The following EVC variants were observed in gnomAD, a reference collection of about 807,000 sequenced individuals.
EVC encodes the protein EvC ciliary complex subunit 1.
Under a neutral mutation model 118.9 loss-of-function variants are expected in EVC, and 116 were observed. The ratio of observed to expected loss-of-function variants is 0.98; its 90% CI spans 0.84 to 1.14. The LOEUF (loss-of-function observed/expected upper bound fraction) is 1.14, where lower values mean the gene tolerates loss of function less well. Ranked by LOEUF, EVC falls within the 50% of genes most tolerant of loss-of-function variation. EVC has a pLI of 0.00. For missense variants in EVC, 1,401 were observed against 1,246.4 expected (o/e 1.12, Z -1.87); for synonymous variants, 619 against 534.7 (o/e 1.16, Z -2.18).
downstream of EVC, among the ~76,000 whole-genome samples, chr4:5,816,064 C>T (rs924176236): frequency 6.6e-6 from 1 of 152,074 alleles, no homozygotes; most frequent in Non-Finnish European, 1.5e-5. Context: ...TACCCAGGGG[C>T]TCATTAAAAA....
the EVC span, chr4:5,826,952 G>A: frequency 8.5e-5 from 13 of 152,664 alleles, no homozygotes; most frequent in African/African-American, 3.1e-4. Context: ...CGACTCCCTG[G>A]GCCTCACTGT....
chr4:5,713,245 G>A (rs1248947776), intron 1 of EVC, among the ~76,000 whole-genome samples: 2 of 152,222 alleles, frequency 1.3e-5, no homozygotes, highest in Non-Finnish European at 2.9e-5. Flanking sequence ...ACAGTTTGAT[G>A]TGATCCTTGC....
downstream of EVC, among the ~76,000 whole-genome samples, chr4:5,818,117 G>T (rs1238690135): frequency 6.6e-6 from 1 of 152,156 alleles, no homozygotes; most frequent in Non-Finnish European, 1.5e-5. Context: ...TACTGTTCTT[G>T]TGGTAGTGAA....
At chr4:5,781,962 G>A (rs1735662603) in intron 11 of EVC, among the ~76,000 whole-genome samples, 1 of 152,238 alleles carries the variant, frequency 6.6e-6, no homozygotes, top group Admixed American at 6.5e-5. Flanking sequence ...AAACTGGAGA[G>A]AGGGTCACTG....
the EVC span, chr4:5,824,814 A>C: frequency 1.0e-6 from 1 of 985,420 alleles, no homozygotes; most frequent in Non-Finnish European, 1.2e-6. Flanking sequence ...ACAAAATTCC[A>C]GTTCAACTTT....
intron 5 of EVC, among the ~76,000 whole-genome samples, chr4:5,734,648 T>A (rs1358583402): frequency 6.6e-6 from 1 of 152,096 alleles, no homozygotes; most frequent in African/African-American, 2.4e-5. Context: ...CACAGCGACA[T>A]CCTGTCTCAA....
At chr4:5,744,679 C>A (rs1729087157) in intron 6 of EVC, among the ~76,000 whole-genome samples, 1 of 152,218 alleles carries the variant, frequency 6.6e-6, no homozygotes, top group Non-Finnish European at 1.5e-5. Context: ...CTTCCCCACA[C>A]AGAAACAGGG....
chr4:5,814,310 C>T (rs1177945896), downstream of EVC: 1 of 152,154 alleles, frequency 6.6e-6, no homozygotes, highest in Non-Finnish European at 1.5e-5. Flanking sequence ...AAAATAGCAC[C>T]CTCTGACCTG....
intron 11 of EVC, among the ~76,000 whole-genome samples, chr4:5,781,486 C>T (rs1028026805): frequency 6.6e-6 from 1 of 151,870 alleles, no homozygotes; most frequent in African/African-American, 2.4e-5. Flanking sequence ...TTTTTCAGGG[C>T]GAGGAGTCCA....
chr4:5,808,371 G>A, intron 18 of EVC, 44 bp downstream of exon 18: 1 of 1,613,862 alleles, frequency 6.2e-7, no homozygotes, highest in Non-Finnish European at 8.5e-7. Flanking sequence ...GTGGTTTAAA[G>A]AGGAGCAGAA....
the EVC span, chr4:5,825,951 T>C: frequency 2.5e-4 from 114 of 448,462 alleles, no homozygotes; most frequent in South Asian, 2.8e-3. This position sits in a 1 kb window ranked among gnomAD's most constrained non-coding sequence, Gnocchi z 4.4. Flanking sequence ...TGCACACATA[T>C]ATGCATGCAC....
intron 13 of EVC, among the ~76,000 whole-genome samples, chr4:5,794,772 C>T (rs929786592): frequency 2.0e-5 from 3 of 152,020 alleles, no homozygotes; most frequent in Non-Finnish European, 4.4e-5. Context: ...ATTTTAGATT[C>T]AGAGGGCACA....
chr4:5,807,767 G>A (rs1338738464), intron 17 of EVC, among the ~76,000 whole-genome samples: 4 of 152,288 alleles, frequency 2.6e-5, no homozygotes, highest in East Asian at 1.9e-4. Context: ...ATGGGTAGCC[G>A]GTAGGCCTCT....
intron 7 of EVC, among the ~76,000 whole-genome samples, chr4:5,745,999 A>G (rs1729308331): frequency 6.6e-6 from 1 of 152,196 alleles, no homozygotes; most frequent in African/African-American, 2.4e-5. Flanking sequence ...CCCCAGGCTT[A>G]GGAAAGCCTC....
At chr4:5,713,254 G>T (rs1264989146) in intron 1 of EVC, among the ~76,000 whole-genome samples, 1 of 152,172 alleles carries the variant, frequency 6.6e-6, no homozygotes, top group African/African-American at 2.4e-5. Context: ...TGTGATCCTT[G>T]CGACAACCTT....
intron 11 of EVC, among the ~76,000 whole-genome samples, chr4:5,772,849 C>T (rs1734196239): frequency 6.6e-6 from 1 of 152,150 alleles, no homozygotes; most frequent in South Asian, 2.1e-4. Context: ...AACTGTCTTC[C>T]TCCCTTCCCT....
intron 5 of EVC, among the ~76,000 whole-genome samples, chr4:5,741,343 A>G (rs575888776): frequency 6.6e-6 from 1 of 152,272 alleles, no homozygotes; most frequent in South Asian, 2.1e-4. Flanking sequence ...GTTCCATACA[A>G]CTATCCCGCT....
At chr4:5,805,098 G>T (rs147089732) in intron 17 of EVC, among the ~76,000 whole-genome samples, 2 of 152,236 alleles carry the variant, frequency 1.3e-5, no homozygotes, top group East Asian at 3.9e-4. Context: ...TTCACAGCCC[G>T]GACACAGGTC....
intron 5 of EVC, among the ~76,000 whole-genome samples, chr4:5,734,994 C>T (rs1021746936): frequency 1.3e-5 from 2 of 152,144 alleles, no homozygotes; most frequent in East Asian, 1.9e-4. Context: ...TGGCTGGCCT[C>T]GCCCCACAGC....
Sources: gnomAD v4.1 joint callset for allele counts (sites outside exome capture counted in the v4.1 genomes callset) on GRCh38, gnomAD v4.1.1 for gene constraint, Gnocchi (gnomAD v3.1) non-coding constraint, MANE v1.5 for transcripts, NCBI Gene and HGNC (gene_info 2026-07-23, HGNC 2026-07-21) for gene names.